ARHGEF3: variants seen among roughly 807,000 people sequenced by gnomAD.
The protein encoded by ARHGEF3 is 59.8 kDA protein.
A neutral mutation model predicts 63.2 loss-of-function variants in ARHGEF3; 28 were observed. The observed-to-expected ratio is 0.44, with a 90% CI of 0.33 to 0.61. The LOEUF (loss-of-function observed/expected upper bound fraction) is 0.61. Among genes scored for constraint, ARHGEF3 ranks in the 20% least tolerant of loss-of-function variants. ARHGEF3 has a pLI of 0.03. For synonymous variants in ARHGEF3, 266 were observed against 254.2 expected (o/e 1.05, Z -0.44); for missense variants, 533 against 659.3 (o/e 0.81, Z 2.10).
intron 2 of ARHGEF3, among the ~76,000 whole-genome samples, chr3:56,986,445 G>T (rs941423473): frequency 6.6e-6 from 1 of 152,230 alleles, no homozygotes; most frequent in African/African-American, 2.4e-5. Context: ...CAACAGTGGG[G>T]AACTGGGATT....
intron 3 of ARHGEF3, among the ~76,000 whole-genome samples, chr3:56,893,180 T>G (rs967200330): frequency 5.3e-5 from 8 of 152,028 alleles, no homozygotes; most frequent in African/African-American, 1.9e-4. Flanking sequence ...ATTTTTTATT[T>G]TATTTTATTT....
chr3:56,790,680 T>C lies in ARHGEF3; in HGVS notation c.96+11023A>G, dbSNP rs1404179779. Among the ~76,000 whole-genome samples, 4 of 152,192 alleles carry C rather than the reference T, an allele frequency of 2.6e-5. No homozygotes were observed. In the East Asian group the frequency reaches 7.7e-4, roughly 29 times the overall value. ...GCCTGCGTGACTTGCGATTATGAAA[T>C]GTTAGTATGCCAACATAAGATAGCA... On this transcript the variant is annotated intron_variant, in intron 1 of 9. Transcript: ENST00000296315.
At chr3:56,989,431 AG>A (rs1023691135) in intron 2 of ARHGEF3, among the ~76,000 whole-genome samples, 5 of 152,176 alleles carry the variant, frequency 3.3e-5, no homozygotes, top group African/African-American at 1.2e-4. Flanking sequence ...CCATTTTAAG[AG>A]GCTGTCCTCT....
intron 1 of ARHGEF3, among the ~76,000 whole-genome samples, chr3:56,800,661 C>G (rs1260808721): frequency 1.3e-5 from 2 of 152,190 alleles, no homozygotes; most frequent in Non-Finnish European, 2.9e-5. Flanking sequence ...TGGGTGGAAC[C>G]TCAAGAATGC....
intron 1 of ARHGEF3, among the ~76,000 whole-genome samples, chr3:56,784,887 G>A (rs2036729286): frequency 6.6e-6 from 1 of 152,210 alleles, no homozygotes; most frequent in Non-Finnish European, 1.5e-5. Context: ...CCTCTACTGT[G>A]AAGTGAAGAT....
chr3:56,740,208 G>C (rs897175367), intron 7 of ARHGEF3, among the ~76,000 whole-genome samples: 7 of 151,458 alleles, frequency 4.6e-5, no homozygotes, highest in Non-Finnish European at 1.0e-4. Flanking sequence ...AAAAGTTTCA[G>C]ATATTTCTTT....
At chr3:56,995,625 GAGAGAGAGAGA>G (rs1701944915) in intron 2 of ARHGEF3, among the ~76,000 whole-genome samples, 2 of 23,824 alleles carry the variant, frequency 8.4e-5, no homozygotes, top group Non-Finnish European at 2.8e-4. Context: ...TTTTCCGAGA[GAGAGAGAGAGA>G]GAGAGAGAGA....
intron 2 of ARHGEF3, among the ~76,000 whole-genome samples, chr3:56,992,497 G>C (rs1701803824): frequency 6.7e-6 from 1 of 148,840 alleles, no homozygotes; most frequent in Non-Finnish European, 1.5e-5. Flanking sequence ...GTCAACTTGA[G>C]TCCCTTCTGT....
intron 3 of ARHGEF3, among the ~76,000 whole-genome samples, chr3:56,894,361 T>G (rs566864435): frequency 1.3e-5 from 2 of 152,354 alleles, no homozygotes; most frequent in South Asian, 4.1e-4. Flanking sequence ...TGAATGAAAC[T>G]AAATAGTGAA....
At chr3:56,783,443 G>A (rs968968148) in intron 1 of ARHGEF3, among the ~76,000 whole-genome samples, 4 of 152,094 alleles carry the variant, frequency 2.6e-5, no homozygotes, top group African/African-American at 9.7e-5. Context: ...AATGTTCATG[G>A]CATACCATTT....
At chr3:56,993,940 T>C (rs1265036364) in intron 2 of ARHGEF3, among the ~76,000 whole-genome samples, 1 of 151,082 alleles carries the variant, frequency 6.6e-6, no homozygotes, top group African/African-American at 2.4e-5. Flanking sequence ...GATGGGTGCC[T>C]GTAATCCCAG....
intron 8 of ARHGEF3, among the ~76,000 whole-genome samples, chr3:56,733,021 C>T (rs1462879162): frequency 2.0e-5 from 3 of 152,086 alleles, no homozygotes; most frequent in Admixed American, 2.0e-4. Flanking sequence ...CAGTGACTCA[C>T]GCCTGTAATC....
At chr3:56,771,983 C>G (rs1406450178) in intron 2 of ARHGEF3, among the ~76,000 whole-genome samples, 1 of 152,196 alleles carries the variant, frequency 6.6e-6, no homozygotes, top group East Asian at 1.9e-4. Context: ...CTGCGATGAA[C>G]TTGTCGAGAG....
In ARHGEF3 at chr3:56,786,371, T is replaced by C. The variant is rs138375390; in HGVS notation, c.97-12555A>G. ...AGGAAACTGTGAGGTAAGTAATCTA[T>C]AATGGATTCATCTGGCATTTCTGTT... On this transcript the variant is annotated intron_variant, in intron 1 of 9. Coordinates refer to ENST00000296315, the MANE Select transcript of ARHGEF3 (RefSeq NM_019555.3). Among the ~76,000 whole-genome samples the C allele has an allele frequency of 4.6e-5, 7 of 152,334 alleles. 1 individual carries two copies. The highest frequency in any genetic ancestry group is 1.7e-4 in the African/African-American group (7 of 41,570).
intron 4 of ARHGEF3, among the ~76,000 whole-genome samples, chr3:56,814,574 C>T (rs1414532987): frequency 1.3e-5 from 2 of 151,870 alleles, no homozygotes; most frequent in African/African-American, 4.8e-5. Flanking sequence ...ATGAATAATC[C>T]AATAAGATAA....
chr3:57,017,517 G>T (rs965963072), intron 2 of ARHGEF3, among the ~76,000 whole-genome samples: 1 of 152,224 alleles, frequency 6.6e-6, no homozygotes, highest in African/African-American at 2.4e-5. Context: ...CACCAAGCCA[G>T]CACTTTTTGT....
chr3:56,792,224 T>C (rs977876465), intron 1 of ARHGEF3, among the ~76,000 whole-genome samples: 1 of 152,210 alleles, frequency 6.6e-6, no homozygotes, highest in Non-Finnish European at 1.5e-5. Context: ...GAAGGTGTCT[T>C]GATTGCAACA....
At chr3:56,834,374 G>A (rs1378835281) in intron 4 of ARHGEF3, among the ~76,000 whole-genome samples, 3 of 152,146 alleles carry the variant, frequency 2.0e-5, no homozygotes, top group African/African-American at 7.2e-5. Context: ...TTCATAGTAA[G>A]AAAAACTAGA....
intron 3 of ARHGEF3, chr3:56,916,563 T>C (rs2041995832): frequency 8.4e-7 from 1 of 1,195,610 alleles, no homozygotes. Context: ...TACTGCTGCT[T>C]TTGCAGAGCA....
Sources: gnomAD v4.1 joint callset for allele counts (sites outside exome capture counted in the v4.1 genomes callset) on GRCh38, gnomAD v4.1.1 for gene constraint, MANE v1.5 for transcripts, NCBI Gene and HGNC (gene_info 2026-07-23, HGNC 2026-07-21) for gene names.